The following FOCAD variants were observed in gnomAD, a reference collection of about 807,000 sequenced individuals.
FOCAD encodes focadhesin.
A neutral mutation model predicts 225.6 loss-of-function variants in FOCAD; 198 were observed. That is an observed-to-expected ratio of 0.88 (90% confidence interval 0.78 to 0.99). The LOEUF is 0.99. Ranked by LOEUF, FOCAD falls within the 50% of genes least tolerant of loss-of-function variation. FOCAD has a pLI of 0.00. For missense variants in FOCAD, 2,713 were observed against 2,123.6 expected (o/e 1.28, Z -5.46); for synonymous variants, 897 against 755.0 (o/e 1.19, Z -3.08).
chr9:20,885,058 T>G, intron 20 of FOCAD, 51 bp from the exon 21 acceptor site: 1 of 1,125,050 alleles, frequency 8.9e-7, no homozygotes, highest in Non-Finnish European at 1.1e-6. Flanking sequence ...GATTCTGTCT[T>G]AAAAAAATAA....
chr9:20,928,529 TC>T (rs1195668859), intron 26 of FOCAD, among the ~76,000 whole-genome samples: 1 of 152,218 alleles, frequency 6.6e-6, no homozygotes, highest in Non-Finnish European at 1.5e-5. Flanking sequence ...AAACGGGCTT[TC>T]TTTCCCACTT....
chr9:20,937,988 A>T (rs1836174831), intron 28 of FOCAD, among the ~76,000 whole-genome samples: 1 of 152,104 alleles, frequency 6.6e-6, no homozygotes, highest in African/African-American at 2.4e-5. Flanking sequence ...AATGCTCATC[A>T]TCACTGGCCA....
chr9:20,711,069 C>A (rs1008224862), intron 1 of FOCAD, among the ~76,000 whole-genome samples: 2 of 152,134 alleles, frequency 1.3e-5, no homozygotes, highest in Non-Finnish European at 2.9e-5. Flanking sequence ...AGTCCTGATA[C>A]AAATAGTTAC....
chr9:20,932,890 C>CTTTTTTT, intron 27 of FOCAD, 124 bp from the exon 28 acceptor site: 1 of 617,550 alleles, frequency 1.6e-6, no homozygotes, highest in African/African-American at 1.9e-5. Context: ...AATATTGTCA[C>CTTTTTTT]TTTTTTTTTT....
At chr9:20,710,588 C>T (rs556881285) in intron 1 of FOCAD, among the ~76,000 whole-genome samples, 1 of 150,862 alleles carries the variant, frequency 6.6e-6, no homozygotes, top group East Asian at 1.9e-4. Context: ...AAAAGCGTAA[C>T]TCTGTCTCAA....
chr9:20,981,554 T>G lies in FOCAD; in HGVS notation c.4506T>G (p.Ser1502Arg). The G allele has an allele frequency of 6.2e-7, 1 of 1,614,080 alleles. No individual in the cohort carries two copies. The highest frequency in any genetic ancestry group is 1.3e-5 in the African/African-American group (1 of 75,038). ...AVFKAASPLG[S>R]PELCPSALHG... ...TTAAAGCAGCTTCCCCACTTGGAAG[T>G]CCTGAGCTATGCCCAAGTGCTTTAC... Residue 1502 changes from serine to arginine, a missense_variant, in exon 38 of 44, where the codon AGT becomes AGG. Ser to Arg is a moderately radical substitution (Grantham distance 110). Transcript: ENST00000338382.
chr9:20,907,448 A>G (rs950826970), intron 22 of FOCAD, among the ~76,000 whole-genome samples: 6 of 152,016 alleles, frequency 3.9e-5, no homozygotes, highest in African/African-American at 1.2e-4. Context: ...CATGTGTCCC[A>G]TCCAGAACTC....
chr9:20,756,297 G>C (rs948102286), intron 5 of FOCAD, among the ~76,000 whole-genome samples: 6 of 152,148 alleles, frequency 3.9e-5, no homozygotes, highest in African/African-American at 1.4e-4. Context: ...GGTTAGGTGA[G>C]GTTAAGAAGA....
At chr9:20,944,587 T>C in intron 28 of FOCAD, 40 bp from the exon 29 acceptor site, 1 of 1,589,696 alleles carries the variant, frequency 6.3e-7, no homozygotes, top group South Asian at 1.1e-5. Flanking sequence ...TTGTGTGGAT[T>C]TCTTATGATC....
chr9:20,969,753 A>G (rs1839600985), intron 35 of FOCAD, among the ~76,000 whole-genome samples: 1 of 150,754 alleles, frequency 6.6e-6, no homozygotes, highest in African/African-American at 2.4e-5. Context: ...AATGGCTTTT[A>G]TATTTACCTA....
chr9:20,939,625 A>G (rs1320445506), intron 28 of FOCAD, among the ~76,000 whole-genome samples: 2 of 151,722 alleles, frequency 1.3e-5, no homozygotes, highest in Non-Finnish European at 2.9e-5. Flanking sequence ...TAACTTTAAA[A>G]TTTATTTTTG....
intron 23 of FOCAD, among the ~76,000 whole-genome samples, 191 bp downstream of exon 23, chr9:20,913,145 T>TACACACACACACACACAC (rs56856864): frequency 2.2e-5 from 3 of 137,250 alleles, no homozygotes; most frequent in African/African-American, 8.2e-5. Flanking sequence ...AAATTATACA[T>TACACACACACACACACAC]ACACACACAC....
chr9:20,797,055 T>C (rs1190429329), intron 11 of FOCAD, among the ~76,000 whole-genome samples: 1 of 152,180 alleles, frequency 6.6e-6, no homozygotes, highest in Non-Finnish European at 1.5e-5. Context: ...TTTCCCACCA[T>C]CATTTATTAA....
chr9:20,874,350 A>T (rs1345029980), intron 18 of FOCAD: 2 of 195,158 alleles, frequency 1.0e-5, no homozygotes, highest in Non-Finnish European at 2.0e-5. Flanking sequence ...TGAGTATGTC[A>T]GTGTTTGCAT....
chr9:20,897,161 A>T (rs1192473888), intron 21 of FOCAD: 2 of 151,672 alleles, frequency 1.3e-5, no homozygotes, highest in African/African-American at 4.8e-5. Context: ...TTTATTCTTG[A>T]CAGCTTTCCT....
intron 4 of FOCAD, among the ~76,000 whole-genome samples, chr9:20,738,830 T>G (rs1192810132): frequency 6.6e-6 from 1 of 152,190 alleles, no homozygotes; most frequent in Admixed American, 6.5e-5. Context: ...AGAAATAGAT[T>G]ACATTAACTT....
chr9:20,870,966 G>T (rs1829710221), intron 18 of FOCAD, among the ~76,000 whole-genome samples: 2 of 152,084 alleles, frequency 1.3e-5, no homozygotes, highest in African/African-American at 4.8e-5. Context: ...ACTTTGGGAG[G>T]CCAAGGCAGG....
At position 20,990,492 on chromosome 9, in the gene FOCAD, C is replaced by T. The variant is rs575155827; in HGVS notation, c.5256+118C>T. The stretch of plus-strand genomic sequence containing the variant: ...TTGAATCACACCACAGACTTTCCTA[C>T]CCAGCCCCATATCTCAGCCAGATGC... On this transcript the variant is annotated intron_variant, in intron 42 of 43. Coordinates refer to ENST00000338382, the MANE Select transcript of FOCAD (RefSeq NM_001375567.1). 6.8e-5 allele frequency: 85 copies of T among 1,257,708 alleles called. No homozygotes were observed. The African/African-American group carries it at 1.2e-3, about 17-fold the overall frequency. The allele number at this position is 1,257,708 out of a possible 1,614,324, so 77.9% of individuals were successfully genotyped here.
At chr9:20,679,065 G>A (rs1822318505) in intron 2 of FOCAD, among the ~76,000 whole-genome samples, 1 of 151,582 alleles carries the variant, frequency 6.6e-6, no homozygotes, top group Non-Finnish European at 1.5e-5. Context: ...GGCCGGGTGA[G>A]TGAGCTGGGC....
Sources: gnomAD v4.1 joint callset for allele counts (sites outside exome capture counted in the v4.1 genomes callset) on GRCh38, gnomAD v4.1.1 for gene constraint, MANE v1.5 for transcripts, NCBI Gene and HGNC (gene_info 2026-07-23, HGNC 2026-07-21) for gene names.